The following NRBF2 variants were observed in gnomAD, a reference collection of about 807,000 sequenced individuals.
NRBF2 encodes the protein nuclear receptor-binding factor 2.
Under a neutral mutation model 28.5 loss-of-function variants are expected in NRBF2, and 12 were observed. The observed-to-expected ratio is 0.42, with a 90% CI of 0.27 to 0.68. The LOEUF is 0.68. NRBF2 is among the 30% of genes least tolerant of loss of function. The pLI is 0.24. For missense variants in NRBF2, 274 were observed against 333.5 expected (o/e 0.82, Z 1.39); for synonymous variants, 102 against 116.5 (o/e 0.88, Z 0.80).
intron 1 of NRBF2, among the ~76,000 whole-genome samples, chr10:63,144,211 T>C (rs1484324621): frequency 6.6e-6 from 1 of 152,172 alleles, no homozygotes; most frequent in Non-Finnish European, 1.5e-5. Flanking sequence ...ACTATGCCGT[T>C]TGAATACCTA....
intron 1 of NRBF2, among the ~76,000 whole-genome samples, chr10:63,145,196 C>T (rs1841540122): frequency 6.7e-6 from 1 of 150,180 alleles, no homozygotes; most frequent in African/African-American, 2.5e-5. Flanking sequence ...CAACCTCTGC[C>T]TCCCAGGTTC....
At position 63,140,005 on chromosome 10, in the gene NRBF2, G is replaced by A. The variant is rs956343493; in HGVS notation, c.31-6204G>A. ...AAAAAAAAAATAGCTGAGCATGGTG[G>A]CACATGTCTGTGGTTCCAGCTACTT... On this transcript the variant is annotated intron_variant, in intron 1 of 3. Coordinates refer to ENST00000277746, the MANE Select transcript of NRBF2 (RefSeq NM_030759.5). 5.3e-5 allele frequency among the ~76,000 whole-genome samples: 8 copies of A among 151,980 alleles called. 1 individual carries two copies. Among genetic ancestry groups the A allele is most frequent in the African/African-American group, 1.7e-4 (7 of 41,392 alleles).
intron 2 of NRBF2, among the ~76,000 whole-genome samples, chr10:63,151,807 A>G (rs1389292989): frequency 6.6e-6 from 1 of 152,176 alleles, no homozygotes; most frequent in African/African-American, 2.4e-5. Context: ...ATCTCATGAT[A>G]TTTTTGTGAG....
intron 1 of NRBF2, among the ~76,000 whole-genome samples, chr10:63,142,309 T>G (rs533502692): frequency 6.0e-5 from 9 of 149,280 alleles, no homozygotes; most frequent in East Asian, 2.0e-4. Context: ...TTTGTTTTTT[T>G]TGTTTTTTTT....
intron 1 of NRBF2, among the ~76,000 whole-genome samples, chr10:63,141,867 C>T (rs997369046): frequency 1.3e-5 from 2 of 152,062 alleles, no homozygotes; most frequent in African/African-American, 2.4e-5. Context: ...GCCAAATAAC[C>T]TAGAGGAGAT....
chr10:63,149,920 A>G (rs191134787), intron 2 of NRBF2, among the ~76,000 whole-genome samples: 8 of 150,874 alleles, frequency 5.3e-5, no homozygotes, highest in African/African-American at 1.9e-4. Context: ...GCGGTAGCAG[A>G]GCAGTTAGAA....
chr10:63,152,051 A>G (rs1254749995), intron 2 of NRBF2, 99 bp from the exon 3 acceptor site: 1 of 820,074 alleles, frequency 1.2e-6, no homozygotes, highest in Non-Finnish European at 2.0e-6. Flanking sequence ...TTATCAGACC[A>G]GTTCTCTTTG....
At position 63,133,436 on chromosome 10, in the gene NRBF2, TC is replaced by T; in HGVS notation, c.-31del. On this transcript the variant is annotated 5_prime_UTR_variant, in exon 1 of 4. Coordinates refer to ENST00000277746, the MANE Select transcript of NRBF2 (RefSeq NM_030759.5). ...CCTCCATGTTCCCCGGCGCCACTAC[TC>T]CCCTTCCTAAGGCCGCCGCTTACCC... The T allele has an allele frequency of 6.2e-7, 1 of 1,610,906 alleles. No individual in the cohort carries two copies. Among genetic ancestry groups the T allele is most frequent in the Non-Finnish European group, 8.5e-7 (1 of 1,178,476 alleles).
Position 63,153,557 on chromosome 10 carries a change from T to G in NRBF2, c.203T>G (p.Leu68Arg), listed in dbSNP as rs774959483. 2 of 1,611,850 alleles carry G rather than the reference T, an allele frequency of 1.2e-6. No individual in the cohort carries two copies. Among genetic ancestry groups the G allele is most frequent in the South Asian group, 2.2e-5 (2 of 90,988 alleles). ...ELQRDSHMKQ[L>R]LLIQERWKRA... Reference sequence around the variant, plus strand: ...CAAAGGGATAGCCATATGAAACAGCTCCTCCTCATCCAAGAGAGATGGAAA... The same window carrying G: ...CAAAGGGATAGCCATATGAAACAGCGCCTCCTCATCCAAGAGAGATGGAAA... The change falls in exon 4 of 4, where the codon CTC becomes CGC. Residue 68 changes from leucine (L) to arginine (R), a missense_variant. Physicochemically the swap from Leu to Arg is moderately radical, Grantham distance 102. Transcript: ENST00000277746.
In NRBF2 at chr10:63,154,329, CA is replaced by C. The variant is rs1841697424; in HGVS notation, c.*112del. 3 of 729,548 alleles carry C rather than the reference CA, an allele frequency of 4.1e-6. No individual in the cohort carries two copies. The East Asian group carries it at 8.2e-5, about 20-fold the overall frequency. The allele number at this position is 729,548 out of a possible 1,614,324, so 45.2% of individuals were successfully genotyped here. A position where few individuals can be genotyped will look rare whatever the true frequency, so the allele number is the denominator to read the frequency against. ...TAGAAGGGTAATCCCGGAAATGCTT[CA>C]TCTGGTGGACTGTGGGAGCAGAGGC... On this transcript the variant is annotated 3_prime_UTR_variant, in exon 4 of 4. Coordinates refer to ENST00000277746, the MANE Select transcript of NRBF2 (RefSeq NM_030759.5).
At chr10:63,134,580 T>C (rs1454793084) in intron 1 of NRBF2, among the ~76,000 whole-genome samples, 1 of 152,222 alleles carries the variant, frequency 6.6e-6, no homozygotes, top group African/African-American at 2.4e-5. Flanking sequence ...TTGGGCAAAC[T>C]ACTTGGCTTC....
intron 1 of NRBF2, among the ~76,000 whole-genome samples, chr10:63,143,197 C>T (rs149738824): frequency 1.1e-3 from 166 of 152,218 alleles, no homozygotes; most frequent in Non-Finnish European, 1.7e-3. Context: ...TTGAAAGGCA[C>T]GAATCTTGTC....
At position 63,133,382 on chromosome 10, in the gene NRBF2, C is replaced by G. The variant is rs778317626; in HGVS notation, c.-89C>G. On this transcript the variant is annotated 5_prime_UTR_variant, in exon 1 of 4. Coordinates refer to ENST00000277746, the MANE Select transcript of NRBF2 (RefSeq NM_030759.5). ...GGGCGCAGAGAGGGGCCGCAGTCTC[C>G]GCGGCTGCGTCGAGCTCCCTTGCAG... is the stretch of plus-strand genomic sequence containing the variant. 1 of 1,502,406 alleles carries G rather than the reference C, an allele frequency of 6.7e-7. No homozygotes were observed. Among genetic ancestry groups the G allele is most frequent in the East Asian group, 2.4e-5 (1 of 42,218 alleles). 93.1% of individuals were successfully genotyped at this position (1,502,406 alleles called of 1,614,324 possible). A position where few individuals can be genotyped will look rare whatever the true frequency, so the allele number is the denominator to read the frequency against.
chr10:63,146,006 GA>G (rs1014524303), intron 1 of NRBF2, among the ~76,000 whole-genome samples: 1 of 152,214 alleles, frequency 6.6e-6, no homozygotes, highest in Admixed American at 6.5e-5. Context: ...TGGTAGAAGT[GA>G]AAGAAGTTGC....
chr10:63,152,496 C>A (rs1393999168), intron 3 of NRBF2, among the ~76,000 whole-genome samples: 2 of 152,196 alleles, frequency 1.3e-5, no homozygotes, highest in African/African-American at 4.8e-5. Flanking sequence ...CTTATTTGAT[C>A]ATTAGCTTAC....
intron 1 of NRBF2, among the ~76,000 whole-genome samples, chr10:63,144,083 A>G (rs1457082562): frequency 6.6e-6 from 1 of 152,116 alleles, no homozygotes; most frequent in Non-Finnish European, 1.5e-5. Context: ...TAAGTGATGT[A>G]AAAAACACGT....
intron 3 of NRBF2, among the ~76,000 whole-genome samples, chr10:63,152,574 A>T (rs1185919176): frequency 4.6e-5 from 7 of 152,186 alleles, no homozygotes; most frequent in African/African-American, 1.7e-4. Flanking sequence ...AGATAATTTA[A>T]ATCTGACCAG....
chr10:63,146,741 T>C (rs1290696131), intron 2 of NRBF2, among the ~76,000 whole-genome samples: 4 of 152,242 alleles, frequency 2.6e-5, no homozygotes, highest in Non-Finnish European at 5.9e-5. Context: ...TTACCTAAAA[T>C]GTGGGAGATT....
At position 63,153,603 on chromosome 10, in the gene NRBF2, A is replaced by T. The variant is rs777244092; in HGVS notation, c.249A>T (p.Arg83Ser). The T allele has an allele frequency of 7.4e-6, 12 of 1,611,880 alleles. No homozygotes were observed. Among genetic ancestry groups the T allele is most frequent in the African/African-American group, 1.3e-5 (1 of 74,850 alleles). ...ERWKRAQREE[R>S]LKAQQNTDKD... ...GGAAAAGGGCCCAGCGTGAAGAAAG[A>T]TTGAAAGCCCAGCAGAACACAGACA... is the stretch of plus-strand genomic sequence containing the variant. The change falls in exon 4 of 4, where the codon AGA becomes AGT. Residue 83 changes from arginine to serine, a missense_variant. Physicochemically the swap from Arg to Ser is moderately radical, Grantham distance 110. Transcript: ENST00000277746.
Sources: gnomAD v4.1 joint callset for allele counts (sites outside exome capture counted in the v4.1 genomes callset) on GRCh38, gnomAD v4.1.1 for gene constraint, MANE v1.5 for transcripts, NCBI Gene and HGNC (gene_info 2026-07-23, HGNC 2026-07-21) for gene names.